The following TXNDC9 variants were observed in gnomAD, a reference collection of about 807,000 sequenced individuals.
TXNDC9 encodes thioredoxin domain containing 9, also known as thioredoxin domain-containing protein 9.
Under a neutral mutation model 23.0 loss-of-function variants are expected in TXNDC9, and 7 were observed. The ratio of observed to expected loss-of-function variants is 0.30; its 90% CI spans 0.17 to 0.57. The LOEUF (loss-of-function observed/expected upper bound fraction) is 0.57. Ranked by LOEUF, TXNDC9 falls within the 20% of genes least tolerant of loss-of-function variation. The pLI, the probability that TXNDC9 is intolerant of heterozygous loss-of-function variation, is 0.90. For missense variants in TXNDC9, 198 were observed against 252.6 expected (o/e 0.78, Z 1.47); for synonymous variants, 72 against 90.6 (o/e 0.79, Z 1.17).
intron 3 of TXNDC9, among the ~76,000 whole-genome samples, chr2:99,325,458 C>T (rs896482632): frequency 3.9e-5 from 6 of 152,100 alleles, no homozygotes; most frequent in Admixed American, 1.3e-4. Flanking sequence ...GGATAATATA[C>T]ATGAAAGCAT....
At chr2:99,323,354 C>G (rs2094206772) in intron 3 of TXNDC9, among the ~76,000 whole-genome samples, 1 of 151,922 alleles carries the variant, frequency 6.6e-6, no homozygotes, top group African/African-American at 2.4e-5. Context: ...CTGCAGTGAG[C>G]CGAAACTGTG....
chr2:99,335,184 AAAT>A (rs1167904987), intron 1 of TXNDC9, among the ~76,000 whole-genome samples: 3 of 152,204 alleles, frequency 2.0e-5, no homozygotes, highest in African/African-American at 4.8e-5. Flanking sequence ...ATACATTTGC[AAAT>A]AATACTGAAG....
chr2:99,315,434 C>T (rs1040595902), downstream of TXNDC9, among the ~76,000 whole-genome samples: 3 of 152,006 alleles, frequency 2.0e-5, no homozygotes, highest in Non-Finnish European at 4.4e-5. Flanking sequence ...CTACACATTC[C>T]GGATACATTT....
At chr2:99,308,790 C>G in the TXNDC9 span, among the ~76,000 whole-genome samples, 2 of 152,084 alleles carry the variant, frequency 1.3e-5, no homozygotes, top group East Asian at 3.9e-4. Flanking sequence ...TGGCTCACTG[C>G]AAGCTCCGCC....
downstream of TXNDC9, among the ~76,000 whole-genome samples, chr2:99,315,482 G>A (rs1025244840): frequency 6.6e-6 from 1 of 152,138 alleles, no homozygotes; most frequent in Non-Finnish European, 1.5e-5. Context: ...TTCCAATTCT[G>A]AGTTGTTATT....
the TXNDC9 span, among the ~76,000 whole-genome samples, chr2:99,308,113 A>G: frequency 6.6e-6 from 1 of 152,198 alleles, no homozygotes; most frequent in Non-Finnish European, 1.5e-5. Context: ...TCATGGGGAA[A>G]TCTCCAGCAT....
At chr2:99,311,644 C>T in the TXNDC9 span, among the ~76,000 whole-genome samples, 1 of 151,378 alleles carries the variant, frequency 6.6e-6, no homozygotes, top group East Asian at 1.9e-4. Context: ...TATCCTTGGC[C>T]TTCCAGGCAT....
At chr2:99,331,197 T>C (rs2094224597) in intron 2 of TXNDC9, among the ~76,000 whole-genome samples, 1 of 152,168 alleles carries the variant, frequency 6.6e-6, no homozygotes, top group Admixed American at 6.5e-5. Context: ...AAATATGAGT[T>C]TGTGGCAGAA....
At chr2:99,309,676 C>A in the TXNDC9 span, among the ~76,000 whole-genome samples, 1 of 151,946 alleles carries the variant, frequency 6.6e-6, no homozygotes, top group Non-Finnish European at 1.5e-5. Flanking sequence ...GCCTCAGGCA[C>A]ATTTCTTTTT....
At chr2:99,328,291 G>C (rs1380817568) in intron 2 of TXNDC9, among the ~76,000 whole-genome samples, 8 of 150,012 alleles carry the variant, frequency 5.3e-5, no homozygotes, top group Non-Finnish European at 3.0e-5. Flanking sequence ...GGTAGAGACG[G>C]GGTTTTTACT....
rs1422683388 is a variant in TXNDC9 at position 99,336,075 on chromosome 2, C to T, written c.-33+164G>A. Among the ~76,000 whole-genome samples the T allele has an allele frequency of 4.6e-5, 7 of 152,382 alleles. No individual in the cohort carries two copies. The South Asian group carries it at 1.2e-3, about 27-fold the overall frequency. Reference sequence around the variant, plus strand: ...ACAGAGGAAAGCACAGTCCCGGTGGCCCCAACTTCGACGCCTCCTGGTGCG... The same window carrying T: ...ACAGAGGAAAGCACAGTCCCGGTGGTCCCAACTTCGACGCCTCCTGGTGCG... On this transcript the variant is annotated intron_variant, in intron 1 of 4. Coordinates refer to ENST00000264255, the MANE Select transcript of TXNDC9 (RefSeq NM_005783.4).
At chr2:99,311,529 C>G in the TXNDC9 span, among the ~76,000 whole-genome samples, 1 of 152,232 alleles carries the variant, frequency 6.6e-6, no homozygotes, top group East Asian at 1.9e-4. Flanking sequence ...AACTCCTGGG[C>G]TGAAGTGATC....
chr2:99,310,008 G>T, the TXNDC9 span, among the ~76,000 whole-genome samples: 1 of 152,078 alleles, frequency 6.6e-6, no homozygotes, highest in Non-Finnish European at 1.5e-5. Context: ...TTCTGAGTCG[G>T]CTTTGTCGTC....
chr2:99,321,915 A>T (rs765909244), intron 4 of TXNDC9, 40 bp downstream of exon 4: 1 of 1,538,818 alleles, frequency 6.5e-7, no homozygotes, highest in Non-Finnish European at 8.8e-7. Context: ...TATCAACTAT[A>T]TATGAATTAA....
chr2:99,320,709 G>A (rs1490848426), intron 4 of TXNDC9, among the ~76,000 whole-genome samples: 1 of 152,118 alleles, frequency 6.6e-6, no homozygotes, highest in Non-Finnish European at 1.5e-5. Context: ...AAATGTTCTT[G>A]TTCTTAGAAA....
chr2:99,330,110 C>T (rs1229942775), intron 2 of TXNDC9, among the ~76,000 whole-genome samples: 4 of 151,418 alleles, frequency 2.6e-5, no homozygotes, highest in South Asian at 2.1e-4. Flanking sequence ...GCCAACATGG[C>T]GAAACCCCAC....
chr2:99,325,394 A>C (rs1355963188), intron 3 of TXNDC9, among the ~76,000 whole-genome samples: 1 of 152,186 alleles, frequency 6.6e-6, no homozygotes, highest in Non-Finnish European at 1.5e-5. Flanking sequence ...GTTTCCATAC[A>C]TGAAATACAG....
chr2:99,316,154 G>GA (rs552666530), downstream of TXNDC9, among the ~76,000 whole-genome samples: 879 of 142,326 alleles, frequency 6.2e-3, 7 homozygotes, highest in African/African-American at 0.021. Flanking sequence ...TAAGAACACT[G>GA]AAAAATGAAA....
chr2:99,317,017 A>C (rs544998014), downstream of TXNDC9, among the ~76,000 whole-genome samples: 36 of 152,096 alleles, frequency 2.4e-4, no homozygotes, highest in Non-Finnish European at 4.7e-4. Flanking sequence ...TGGCCTCCCA[A>C]AGTGCTGGGA....
Sources: allele counts gnomAD v4.1 joint callset (sites outside exome capture counted in the v4.1 genomes callset), GRCh38; gene constraint gnomAD v4.1.1; transcripts MANE v1.5; gene names NCBI Gene and HGNC (gene_info 2026-07-23, HGNC 2026-07-21).